The following RUNDC3B variants were observed in gnomAD, a reference collection of about 807,000 sequenced individuals.
RUNDC3B encodes the protein RUN domain-containing protein 3B.
In RUNDC3B, 33 loss-of-function variants were observed where a neutral mutation model predicts 58.4. That is an observed-to-expected ratio of 0.56 (90% CI 0.43 to 0.75). The LOEUF (loss-of-function observed/expected upper bound fraction) is 0.75. Ranked by LOEUF, RUNDC3B falls within the 30% of genes least tolerant of loss-of-function variation. The pLI, the probability that RUNDC3B is intolerant of heterozygous loss-of-function variation, is 0.00. For missense variants in RUNDC3B, 501 were observed against 535.7 expected (o/e 0.94, Z 0.64); for synonymous variants, 193 against 195.2 (o/e 0.99, Z 0.10).
chr7:87,754,598 G>C (rs542511019), intron 6 of RUNDC3B, among the ~76,000 whole-genome samples: 3 of 152,080 alleles, frequency 2.0e-5, no homozygotes, highest in Non-Finnish European at 4.4e-5. Flanking sequence ...GAGCTAAACT[G>C]AAGGAAATCA....
At chr7:87,801,484 G>A (rs746075589) in intron 8 of RUNDC3B, among the ~76,000 whole-genome samples, 8 of 152,210 alleles carry the variant, frequency 5.3e-5, no homozygotes, top group East Asian at 1.9e-4. Flanking sequence ...CCGATTGGGC[G>A]TGGTGGCTCA....
chr7:87,741,562 T>C lies in RUNDC3B; in HGVS notation c.612T>C (p.Tyr204=). 2 of 1,576,942 alleles carry C rather than the reference T, an allele frequency of 1.3e-6. No homozygotes were observed. Among genetic ancestry groups the C allele is most frequent in the Non-Finnish European group, 1.7e-6 (2 of 1,152,398 alleles). ...SFPAVIDYTP[Y]LKYIQSSDSI... ...CTGCTGTAATAGACTATACACCATA[T>C]TTGAAGTATATCCAAAGGTATGTGA... The change falls in exon 6 of 11, where the codon TAT becomes TAC. Residue 204 remains tyrosine, a synonymous_variant. Transcript: ENST00000394654.
intron 6 of RUNDC3B, among the ~76,000 whole-genome samples, chr7:87,769,908 T>C (rs1834181644): frequency 6.6e-6 from 1 of 152,156 alleles, no homozygotes. Flanking sequence ...TTAGCACATT[T>C]TTATCTCTAT....
intron 9 of RUNDC3B, among the ~76,000 whole-genome samples, chr7:87,814,470 T>A (rs1836918367): frequency 6.6e-6 from 1 of 152,168 alleles, no homozygotes; most frequent in Non-Finnish European, 1.5e-5. Context: ...TAGCATAGTA[T>A]TTAAGGAGAG....
chr7:87,722,307 T>C (rs1830951093), intron 4 of RUNDC3B, among the ~76,000 whole-genome samples: 1 of 152,080 alleles, frequency 6.6e-6, no homozygotes, highest in South Asian at 2.1e-4. Flanking sequence ...AAAATCTTAT[T>C]CCTCTTCCCT....
intron 4 of RUNDC3B, among the ~76,000 whole-genome samples, chr7:87,732,662 C>T (rs1209142949): frequency 6.6e-6 from 1 of 152,032 alleles, no homozygotes; most frequent in Non-Finnish European, 1.5e-5. Context: ...GCCTTCTGGT[C>T]CCGTGGTGCC....
At position 87,628,587 on chromosome 7, in the gene RUNDC3B, GTGT is replaced by G; in HGVS notation, c.-236_-234del. The G allele has an allele frequency of 8.2e-5, 1 of 12,220 alleles. No homozygotes were observed. 0.8% of individuals were successfully genotyped at this position (12,220 alleles called of 1,614,324 possible). ...GGGCGGAGGTGGTGCGTGCGTGCGTGTGTGTGTGTGTGTGTGTGTGTGTGTGTG... is the reference window on the plus strand; with the variant it reads ...GGGCGGAGGTGGTGCGTGCGTGCGTGGTGTGTGTGTGTGTGTGTGTGTGTG... On this transcript the variant is annotated 5_prime_UTR_variant, in exon 1 of 11. Transcript: ENST00000394654.
In RUNDC3B at chr7:87,796,920, G is replaced by A. The variant is rs79200130; in HGVS notation, c.957-10453G>A. On this transcript the variant is annotated intron_variant, in intron 8 of 10. Transcript: ENST00000394654. ...TCTTGTAGTATTGTGACAATGGTTC[G>A]TAACTCAACTTTTGTTTTCTCTTAA... Among the ~76,000 whole-genome samples the A allele has an allele frequency of 2.9e-4, 44 of 152,270 alleles. No homozygotes were observed. In the East Asian group the frequency reaches 4.8e-3, roughly 17 times the overall value.
At chr7:87,733,623 G>A (rs1484586461) in intron 4 of RUNDC3B, among the ~76,000 whole-genome samples, 5 of 152,144 alleles carry the variant, frequency 3.3e-5, no homozygotes, top group Admixed American at 1.3e-4. Context: ...GTGTTTCCAC[G>A]GACCGTGGTG....
At chr7:87,808,929 A>G (rs1242671555) in intron 9 of RUNDC3B, among the ~76,000 whole-genome samples, 1 of 152,110 alleles carries the variant, frequency 6.6e-6, no homozygotes, top group African/African-American at 2.4e-5. Context: ...ATAACATTAA[A>G]TCCTGGTAAG....
intron 1 of RUNDC3B, among the ~76,000 whole-genome samples, chr7:87,637,431 C>T (rs1395703927): frequency 6.6e-6 from 1 of 152,100 alleles, no homozygotes; most frequent in Non-Finnish European, 1.5e-5. Context: ...TTAGAATCAA[C>T]TTGTCAATTT....
chr7:87,764,211 A>G (rs1450489922), intron 6 of RUNDC3B, among the ~76,000 whole-genome samples: 1 of 151,854 alleles, frequency 6.6e-6, no homozygotes. Flanking sequence ...GAAGGACTTC[A>G]TAGTATCTGT....
intron 2 of RUNDC3B, among the ~76,000 whole-genome samples, chr7:87,664,436 T>C (rs1208294761): frequency 6.6e-6 from 1 of 152,160 alleles, no homozygotes; most frequent in Non-Finnish European, 1.5e-5. Flanking sequence ...CAGATGCTTA[T>C]TGTGAGATGA....
chr7:87,694,124 C>A, intron 2 of RUNDC3B: 1 of 705,440 alleles, frequency 1.4e-6, no homozygotes, highest in Non-Finnish European at 1.7e-6. Context: ...ATCCAGAGAG[C>A]ACAAGTATGC....
intron 6 of RUNDC3B, among the ~76,000 whole-genome samples, chr7:87,744,998 G>T (rs931778584): frequency 3.3e-5 from 5 of 151,990 alleles, no homozygotes; most frequent in Admixed American, 2.6e-4. Flanking sequence ...CTTGTATGCC[G>T]ATTTTGCTGA....
chr7:87,809,487 T>G (rs901327426), intron 9 of RUNDC3B, among the ~76,000 whole-genome samples: 7 of 152,204 alleles, frequency 4.6e-5, no homozygotes, highest in African/African-American at 1.7e-4. Context: ...TTTCTGCACA[T>G]GTAATACTGG....
At chr7:87,675,096 G>A (rs1206739872) in intron 2 of RUNDC3B, among the ~76,000 whole-genome samples, 3 of 152,190 alleles carry the variant, frequency 2.0e-5, no homozygotes, top group South Asian at 2.1e-4. Flanking sequence ...AGAGCGGGCC[G>A]CTCCTCACTT....
chr7:87,659,676 C>T (rs1824493404), intron 2 of RUNDC3B, among the ~76,000 whole-genome samples: 1 of 151,816 alleles, frequency 6.6e-6, no homozygotes, highest in African/African-American at 2.4e-5. Context: ...GTCTAGCACA[C>T]AGTCCGGGGT....
intron 2 of RUNDC3B, among the ~76,000 whole-genome samples, chr7:87,663,667 A>C (rs185467772): frequency 2.6e-5 from 4 of 152,192 alleles, no homozygotes; most frequent in Non-Finnish European, 4.4e-5. Flanking sequence ...GACAAGGTAG[A>C]GTAAGTCCAA....
Sources: allele counts gnomAD v4.1 joint callset (sites outside exome capture counted in the v4.1 genomes callset), GRCh38; gene constraint gnomAD v4.1.1; transcripts MANE v1.5; gene names NCBI Gene and HGNC (gene_info 2026-07-23, HGNC 2026-07-21).